C1QTNF8: variants seen among roughly 807,000 people sequenced by gnomAD.
C1QTNF8 encodes the protein complement C1q tumor necrosis factor-related protein 8.
Under a neutral mutation model 19.2 loss-of-function variants are expected in C1QTNF8, and 27 were observed. The ratio of observed to expected loss-of-function variants is 1.41; its 90% CI spans 1.04 to 1.94. C1QTNF8 has a LOEUF of 1.94. C1QTNF8 is among the 30% of genes most tolerant of loss of function. The probability of loss-of-function intolerance (pLI) is 0.00; values close to 1 mark genes in which losing one functional copy is unlikely to be tolerated. For synonymous variants in C1QTNF8, 208 were observed against 172.8 expected, an observed-to-expected ratio of 1.20 and a Z score of -1.60; for missense variants, 484 against 374.4, an observed-to-expected ratio of 1.29 and a Z score of -2.42.
At chr16:1,093,460 G>C (rs904921596) in intron 4 of C1QTNF8, 37 bp downstream of exon 4, 1 of 1,221,594 alleles carries the variant, frequency 8.2e-7, no homozygotes, top group African/African-American at 1.7e-5. Flanking sequence ...ACACACACGC[G>C]CGCGCGCGCC....
At chr16:1,093,370 G>GCCC in intron 4 of C1QTNF8, 127 bp downstream of exon 4, 1 of 417,556 alleles carries the variant, frequency 2.4e-6, no homozygotes, top group Non-Finnish European at 4.4e-6. Context: ...AAGCTCCGCT[G>GCCC]CCCGCCCACC....
intron 4 of C1QTNF8, 119 bp downstream of exon 4, chr16:1,093,378 A>ACC: frequency 7.6e-6 from 1 of 132,340 alleles, no homozygotes; most frequent in Non-Finnish European, 1.3e-5. Context: ...CTGCCCGCCC[A>ACC]CCCCACCACA....
rs1302800189 is a variant in C1QTNF8, at chr16:1,093,669, G to T, written c.591C>A (p.Ser197Arg). 1.2e-6 allele frequency: 2 copies of T among 1,609,892 alleles called. No homozygotes were observed. Among genetic ancestry groups the T allele is most frequent in the South Asian group, 1.1e-5 (1 of 90,964 alleles). Residue 197 changes from serine to arginine, a missense_variant, in exon 4 of 5, where the codon AGC (serine) becomes AGA (arginine). Transcript: ENST00000328449. ...TCTGGGCCTGCATGACGCTGCGCTC[G>T]CTGGGCTGCGCGTAGAGCACGGCCG... ...RPAAVLYAQP[S>R]ERSVMQAQSL...
At chr16:1,094,121 G>T in intron 3 of C1QTNF8, 70 bp from the exon 4 acceptor site, 1 of 1,256,914 alleles carries the variant, frequency 8.0e-7, no homozygotes, top group Non-Finnish European at 1.0e-6. Flanking sequence ...CAGCACCCAG[G>T]CCAGGGGCTG....
intron 4 of C1QTNF8, among the ~76,000 whole-genome samples, chr16:1,091,136 A>G (rs1263922471): frequency 6.6e-6 from 1 of 152,140 alleles, no homozygotes; most frequent in African/African-American, 2.4e-5. Context: ...GGGATGTCCC[A>G]GAGTGGACAA....
At chr16:1,093,401 CA>C in intron 4 of C1QTNF8, 95 bp downstream of exon 4, 2 of 615,148 alleles carry the variant, frequency 3.3e-6, no homozygotes, top group Non-Finnish European at 5.0e-6. Flanking sequence ...CACACCCACC[CA>C]CACACACACA....
At position 1,090,273 on chromosome 16, in the gene C1QTNF8, C is replaced by A; in HGVS notation, c.*326G>T. On this transcript the variant is annotated 3_prime_UTR_variant, in exon 5 of 5. Coordinates refer to ENST00000328449, the MANE Select transcript of C1QTNF8 (RefSeq NM_207419.3). ...GGTGGATGCCGGGCGACTTGGGAGG[C>A]AGCAGGCTTGGGCAGTGGGTGGGGG... The A allele has an allele frequency of 6.5e-6, 1 of 152,936 alleles. No individual in the cohort carries two copies. Among genetic ancestry groups the A allele is most frequent in the Non-Finnish European group, 1.5e-5 (1 of 68,502 alleles). 9.5% of individuals were successfully genotyped at this position (152,936 alleles called of 1,614,324 possible).
rs1960479433 is a variant in C1QTNF8 at position 1,088,451 on chromosome 16, C to G, written c.*2148G>C. 6.6e-6 allele frequency among the ~76,000 whole-genome samples: 1 copy of G among 152,188 alleles called. No individual in the cohort carries two copies. The highest frequency in any genetic ancestry group is 2.4e-5 in the African/African-American group (1 of 41,446). ...TGATGGGGTGGCTCCCCCTTGTCTCCTAAGTGGCCAGGGCAGCACGAGGCT... is the reference window on the plus strand; with the variant it reads ...TGATGGGGTGGCTCCCCCTTGTCTCGTAAGTGGCCAGGGCAGCACGAGGCT... On this transcript the variant is annotated 3_prime_UTR_variant, in exon 5 of 5. Coordinates refer to ENST00000328449, the MANE Select transcript of C1QTNF8 (RefSeq NM_207419.3).
intron 4 of C1QTNF8, 80 bp downstream of exon 4, chr16:1,093,417 C>T: frequency 3.1e-6 from 3 of 964,460 alleles, no homozygotes; most frequent in Non-Finnish European, 4.3e-6. Flanking sequence ...CACACACCCA[C>T]ACCCACCCCC....
At chr16:1,091,483 G>A (rs1416033711) in intron 4 of C1QTNF8, among the ~76,000 whole-genome samples, 2 of 152,124 alleles carry the variant, frequency 1.3e-5, no homozygotes, top group African/African-American at 2.4e-5. Context: ...GTGGCTGGGA[G>A]AGCTTCCGGG....
At position 1,094,063 on chromosome 16, in the gene C1QTNF8, A is replaced by G; in HGVS notation, c.209-12T>C. ...CTCACCCTTCTCACCTGCAGGGGAC[A>G]AACGAAAGCCACGGGTCGGGGCCGG... On this transcript the variant is annotated splice_polypyrimidine_tract_variant and intron_variant, in intron 3 of 4. Transcript: ENST00000328449. 7.0e-7 allele frequency: 1 copy of G among 1,433,090 alleles called. No individual in the cohort carries two copies. Among genetic ancestry groups the G allele is most frequent in the Non-Finnish European group, 9.0e-7 (1 of 1,105,996 alleles). The allele number at this position is 1,433,090 out of a possible 1,614,324, so 88.8% of individuals were successfully genotyped here.
chr16:1,091,801 G>C (rs964076615), intron 4 of C1QTNF8, among the ~76,000 whole-genome samples: 3 of 152,090 alleles, frequency 2.0e-5, no homozygotes, highest in Non-Finnish European at 4.4e-5. Context: ...GCTCAGCCGC[G>C]TGTTTCCTGC....
At chr16:1,093,241 G>A (rs1596243774) in intron 4 of C1QTNF8, among the ~76,000 whole-genome samples, 1 of 143,182 alleles carries the variant, frequency 7.0e-6, no homozygotes. Flanking sequence ...GCACACAGTC[G>A]GCGCTCAACC....
chr16:1,093,386 AC>A, intron 4 of C1QTNF8, 110 bp downstream of exon 4: 4 of 125,618 alleles, frequency 3.2e-5, no homozygotes, highest in East Asian at 1.8e-4. Context: ...CCACCCCACC[AC>A]ACCCACACCC....
rs1053329861 is a variant in C1QTNF8 at position 1,088,329 on chromosome 16, G to A, written c.*2270C>T. On this transcript the variant is annotated 3_prime_UTR_variant, in exon 5 of 5. Transcript: ENST00000328449. ...TGCTTGCCTGGAATGTCACAGGGAT[G>A]TCCCCGCGGGAAGCCGCGTTCCCCA... 2.0e-5 allele frequency among the ~76,000 whole-genome samples: 3 copies of A among 152,278 alleles called. No individual in the cohort carries two copies. Among genetic ancestry groups the A allele is most frequent in the Non-Finnish European group, 2.9e-5 (2 of 68,048 alleles).
At position 1,093,485 on chromosome 16, in the gene C1QTNF8, G is replaced by A; in HGVS notation, c.*4+12C>T. On this transcript the variant is annotated intron_variant, in intron 4 of 4. Coordinates refer to ENST00000328449, the MANE Select transcript of C1QTNF8 (RefSeq NM_207419.3). ...GCGCGCGCGCCCGGTGCTCAGCCGC[G>A]GGGCCCCTCACCCGGCTACAGCTCG... 2 of 1,489,360 alleles carry A rather than the reference G, an allele frequency of 1.3e-6. No homozygotes were observed. The highest frequency in any genetic ancestry group is 1.8e-6 in the Non-Finnish European group (2 of 1,120,850). The allele number at this position is 1,489,360 out of a possible 1,614,324, so 92.3% of individuals were successfully genotyped here.
chr16:1,091,994 C>T (rs967701156), intron 4 of C1QTNF8, among the ~76,000 whole-genome samples: 41 of 152,362 alleles, frequency 2.7e-4, no homozygotes, highest in African/African-American at 9.9e-4. Context: ...AGCAAGGGTG[C>T]CTGGCACAGC....
chr16:1,093,339 C>T (rs1419033395), intron 4 of C1QTNF8, among the ~76,000 whole-genome samples, 158 bp downstream of exon 4: 1 of 150,966 alleles, frequency 6.6e-6, no homozygotes, highest in East Asian at 1.9e-4. Flanking sequence ...CTCAACAAAT[C>T]ACTGCACACA....
In C1QTNF8 at chr16:1,093,456, A is replaced by ACGCGCGCG. The variant is rs138526622; in HGVS notation, c.*4+33_*4+40dup. 3.0e-5 allele frequency: 35 copies of ACGCGCGCG among 1,159,850 alleles called. 2 individuals are homozygous for ACGCGCGCG. The African/African-American group carries it at 4.8e-4, about 16-fold the overall frequency. The allele number at this position is 1,159,850 out of a possible 1,614,324, so 71.8% of individuals were successfully genotyped here. The stretch of plus-strand genomic sequence containing the variant: ...CACACACACACAGACACACACACAC[A>ACGCGCGCG]CGCGCGCGCGCGCCCGGTGCTCAGC... On this transcript the variant is annotated intron_variant, in intron 4 of 4. Coordinates refer to ENST00000328449, the MANE Select transcript of C1QTNF8 (RefSeq NM_207419.3).
Sources: allele counts gnomAD v4.1 joint callset (sites outside exome capture counted in the v4.1 genomes callset), GRCh38; gene constraint gnomAD v4.1.1; transcripts MANE v1.5; gene names NCBI Gene and HGNC (gene_info 2026-07-23, HGNC 2026-07-21).